Variants in RALGPS1 observed in about 807,000 individuals in gnomAD.
The protein encoded by RALGPS1 is Ral GEF with PH domain and SH3 binding motif 1.
RALGPS1 carries 19 observed loss-of-function variants against 78.8 expected under a neutral mutation model. The observed-to-expected ratio is 0.24, with a 90% confidence interval of 0.17 to 0.35. The LOEUF (loss-of-function observed/expected upper bound fraction) is 0.35. Among genes scored for constraint, RALGPS1 ranks in the 10% least tolerant of loss-of-function variants. The pLI is 1.00. For missense variants in RALGPS1, 454 were observed against 688.3 expected (o/e 0.66, Z 3.81); for synonymous variants, 228 against 256.3 (o/e 0.89, Z 1.06).
At chr9:127,012,677 A>T (rs1468173634) in intron 4 of RALGPS1, among the ~76,000 whole-genome samples, 2 of 152,212 alleles carry the variant, frequency 1.3e-5, no homozygotes, top group Non-Finnish European at 2.9e-5. Flanking sequence ...ATCTGGGGGA[A>T]GGCTGGTGTG....
At chr9:126,946,082 G>T (rs955370855) in intron 1 of RALGPS1, among the ~76,000 whole-genome samples, 4 of 152,182 alleles carry the variant, frequency 2.6e-5, no homozygotes, top group Non-Finnish European at 5.9e-5. Context: ...GGGAGGTTTT[G>T]GTGGCTTGGA....
chr9:127,054,740 A>T (rs1002705720), intron 7 of RALGPS1, among the ~76,000 whole-genome samples: 1 of 152,138 alleles, frequency 6.6e-6, no homozygotes, highest in African/African-American at 2.4e-5. Context: ...TACTTTGGGA[A>T]GCTGGGGGTG....
chr9:126,986,796 A>G (rs2041842252), intron 4 of RALGPS1, among the ~76,000 whole-genome samples: 1 of 152,192 alleles, frequency 6.6e-6, no homozygotes, highest in African/African-American at 2.4e-5. Context: ...AAGAGCATGA[A>G]CTTTGATCTG....
intron 1 of RALGPS1, among the ~76,000 whole-genome samples, chr9:126,934,543 T>C (rs1489401048): frequency 6.6e-6 from 1 of 152,158 alleles, no homozygotes; most frequent in Non-Finnish European, 1.5e-5. Context: ...ACTGAGGCGC[T>C]GCAGAGTGGT....
At chr9:127,025,214 T>C (rs1002281479) in intron 4 of RALGPS1, among the ~76,000 whole-genome samples, 3 of 152,228 alleles carry the variant, frequency 2.0e-5, no homozygotes, top group Non-Finnish European at 2.9e-5. Context: ...CGCTGATGTA[T>C]GCGTCACTCT....
chr9:127,025,287 C>T (rs183155339), intron 4 of RALGPS1, among the ~76,000 whole-genome samples: 128 of 152,254 alleles, frequency 8.4e-4, no homozygotes, highest in African/African-American at 2.8e-3. Context: ...ATTTGTTCAT[C>T]GCCTCACCAG....
chr9:126,940,408 C>G (rs374073526), intron 1 of RALGPS1, among the ~76,000 whole-genome samples: 5 of 151,678 alleles, frequency 3.3e-5, no homozygotes, highest in East Asian at 1.9e-4. Flanking sequence ...TTCTTCAGTC[C>G]CTGTCCATTG....
At chr9:127,110,168 C>G (rs2054653246) in intron 8 of RALGPS1, among the ~76,000 whole-genome samples, 2 of 152,186 alleles carry the variant, frequency 1.3e-5, no homozygotes, top group Non-Finnish European at 2.9e-5. Context: ...CCTGGTCTCT[C>G]TTGAGCCCAC....
chr9:127,108,824 G>GA, intron 8 of RALGPS1: 1 of 1,336,098 alleles, frequency 7.5e-7, no homozygotes, highest in Non-Finnish European at 1.0e-6. Flanking sequence ...TCCCACCACT[G>GA]TCAGTGCCCT....
chr9:127,037,743 G>A (rs2046980153), intron 5 of RALGPS1, among the ~76,000 whole-genome samples: 1 of 152,210 alleles, frequency 6.6e-6, no homozygotes, highest in South Asian at 2.1e-4. Flanking sequence ...AAGACCTGCT[G>A]CTTTTTCAGT....
chr9:126,942,520 A>G (rs1004481758), intron 1 of RALGPS1, among the ~76,000 whole-genome samples: 3 of 151,938 alleles, frequency 2.0e-5, no homozygotes, highest in Non-Finnish European at 4.4e-5. Context: ...GTTATATGCT[A>G]CTCCTCACAT....
In RALGPS1 at chr9:127,065,888, G is replaced by A. The variant is rs114257790; in HGVS notation, c.484-3342G>A. Among the ~76,000 whole-genome samples, 1,287 of 152,206 alleles carry A rather than the reference G, an allele frequency of 8.5e-3. 19 individuals carry two copies. Among genetic ancestry groups the A allele is most frequent in the African/African-American group, 0.029 (1,224 of 41,516 alleles). ...ATTCTCAGTTTTCAAATACATCATCGGAAATACATGTTTAGGGTTTTCTGA... is the reference window on the plus strand; with the variant it reads ...ATTCTCAGTTTTCAAATACATCATCAGAAATACATGTTTAGGGTTTTCTGA... On this transcript the variant is annotated intron_variant, in intron 7 of 18. Transcript: ENST00000259351.
chr9:126,995,489 A>T (rs2042659515), intron 4 of RALGPS1, among the ~76,000 whole-genome samples: 1 of 152,230 alleles, frequency 6.6e-6, no homozygotes. Context: ...AACTATCCTA[A>T]ATATATATGC....
At chr9:127,003,293 C>T (rs2043518475) in intron 4 of RALGPS1, among the ~76,000 whole-genome samples, 1 of 151,998 alleles carries the variant, frequency 6.6e-6, no homozygotes, top group Admixed American at 6.6e-5. Context: ...AAAATTTTCG[C>T]AACCTACTCA....
intron 11 of RALGPS1, among the ~76,000 whole-genome samples, chr9:127,186,850 G>A (rs994996212): frequency 2.0e-5 from 3 of 152,222 alleles, no homozygotes; most frequent in African/African-American, 4.8e-5. Context: ...GCCGAAAGAA[G>A]AGGTGGCAGA....
intron 8 of RALGPS1, chr9:127,089,250 C>A: frequency 1.7e-6 from 2 of 1,165,392 alleles, no homozygotes; most frequent in Non-Finnish European, 1.2e-6. Flanking sequence ...GGAGCAAGAA[C>A]GCTTGAAAGG....
intron 8 of RALGPS1, among the ~76,000 whole-genome samples, chr9:127,116,102 A>G (rs1361281955): frequency 2.6e-5 from 4 of 152,168 alleles, no homozygotes; most frequent in Admixed American, 6.5e-5. Context: ...TAGCCTTCCC[A>G]TGCAGCTAGC....
At chr9:126,946,533 C>CA (rs61279292) in intron 1 of RALGPS1, among the ~76,000 whole-genome samples, 7,630 of 75,942 alleles carry the variant, frequency 0.1, 524 homozygotes, top group Middle Eastern at 0.19. Flanking sequence ...GAATCTGTCT[C>CA]AAAAAAAAAA....
chr9:127,110,422 T>C (rs1397345540), intron 8 of RALGPS1, among the ~76,000 whole-genome samples: 1 of 152,212 alleles, frequency 6.6e-6, no homozygotes, highest in African/African-American at 2.4e-5. Flanking sequence ...CTTTCTCTAC[T>C]GTTGAGGGGA....
Sources: gnomAD v4.1 joint callset for allele counts (sites outside exome capture counted in the v4.1 genomes callset) on GRCh38, gnomAD v4.1.1 for gene constraint, MANE v1.5 for transcripts, NCBI Gene and HGNC (gene_info 2026-07-23, HGNC 2026-07-21) for gene names.